ADGRA1: variants seen among roughly 807,000 people sequenced by gnomAD.
The protein encoded by ADGRA1 is G-protein coupled receptor 123.
In ADGRA1, 12 loss-of-function variants were observed where a neutral mutation model predicts 21.3. That is an observed-to-expected ratio of 0.56 (90% CI 0.36 to 0.91). The LOEUF is 0.91. Among genes scored for constraint, ADGRA1 ranks in the 40% least tolerant of loss-of-function variants. The pLI is 0.01. For missense variants in ADGRA1, 790 were observed against 805.6 expected (o/e 0.98, Z 0.23); for synonymous variants, 385 against 368.8 (o/e 1.04, Z -0.50).
At position 133,119,467 on chromosome 10, in the gene ADGRA1, A is replaced by C. The variant is rs113988256; in HGVS notation, c.402-7766A>C. 8.6e-3 allele frequency among the ~76,000 whole-genome samples: 1,317 copies of C among 152,334 alleles called. 13 individuals carry two copies. Among genetic ancestry groups the C allele is most frequent in the Non-Finnish European group, 0.014 (938 of 68,022 alleles). On this transcript the variant is annotated intron_variant, in intron 5 of 6. Transcript: ENST00000392607. Reference sequence around the variant, plus strand: ...TTTTCACAAAAGAGTTCTCTGTAGCACGTGGTGCTGTTTGGTGCACTTTAC... The same window carrying C: ...TTTTCACAAAAGAGTTCTCTGTAGCCCGTGGTGCTGTTTGGTGCACTTTAC...
chr10:133,124,663 C>A (rs1852341152), intron 5 of ADGRA1, among the ~76,000 whole-genome samples: 1 of 152,252 alleles, frequency 6.6e-6, no homozygotes, highest in Non-Finnish European at 1.5e-5. Flanking sequence ...AGGAGGAGGA[C>A]AAGCTGGACC....
At chr10:133,093,739 G>T (rs1453741493) in intron 2 of ADGRA1, among the ~76,000 whole-genome samples, 2 of 152,220 alleles carry the variant, frequency 1.3e-5, no homozygotes, top group African/African-American at 4.8e-5. Context: ...GCGAGCCGAG[G>T]GTCCAGGAAC....
chr10:133,122,488 G>T (rs1852289070), intron 5 of ADGRA1, among the ~76,000 whole-genome samples: 1 of 152,234 alleles, frequency 6.6e-6, no homozygotes, highest in African/African-American at 2.4e-5. Context: ...AGCTGCAGGT[G>T]CCCCCTCTAC....
intron 6 of ADGRA1, 135 bp from the exon 7 acceptor site, chr10:133,128,194 G>A (rs1404200679): frequency 3.2e-6 from 2 of 616,276 alleles, no homozygotes; most frequent in Non-Finnish European, 5.3e-6. Context: ...CTCTAGAAAC[G>A]CCCAAGGCCC....
chr10:133,105,201 C>G (rs1416533915), intron 5 of ADGRA1, among the ~76,000 whole-genome samples: 1 of 152,248 alleles, frequency 6.6e-6, no homozygotes, highest in Non-Finnish European at 1.5e-5. Context: ...CACACCCTCT[C>G]TGGCCGTTCC....
At chr10:133,117,049 G>A (rs1049813944) in intron 5 of ADGRA1, among the ~76,000 whole-genome samples, 2 of 152,154 alleles carry the variant, frequency 1.3e-5, no homozygotes, top group South Asian at 2.1e-4. Context: ...GGGGTCCAGG[G>A]CTCAGTCCCA....
chr10:133,088,754 A>C lies in ADGRA1; in HGVS notation c.-156A>C, dbSNP rs1215443264. Reference sequence around the variant, plus strand: ...CGCCCGCCCCGCCGCGGTCACCCTGAGGCCAGGGGCCCGGGAGCGCGACCT... The same window carrying C: ...CGCCCGCCCCGCCGCGGTCACCCTGCGGCCAGGGGCCCGGGAGCGCGACCT... On this transcript the variant is annotated 5_prime_UTR_variant, in exon 2 of 7. It removes the in-frame stop codon of an upstream open reading frame in the 5' UTR. Transcript: ENST00000392607. The C allele has an allele frequency of 3.2e-6, 4 of 1,231,146 alleles. No homozygotes were observed. Among genetic ancestry groups the C allele is most frequent in the Non-Finnish European group, 4.1e-6 (4 of 987,648 alleles). 76.3% of individuals were successfully genotyped at this position (1,231,146 alleles called of 1,614,324 possible).
intron 5 of ADGRA1, among the ~76,000 whole-genome samples, chr10:133,110,114 C>G (rs1340960574): frequency 6.6e-6 from 1 of 152,262 alleles, no homozygotes; most frequent in African/African-American, 2.4e-5. Flanking sequence ...AGACATCCAG[C>G]AGGGTCCAAG....
chr10:133,102,287 C>T (rs540247858), intron 4 of ADGRA1: 10 of 499,280 alleles, frequency 2.0e-5, no homozygotes, highest in East Asian at 5.7e-5. Flanking sequence ...AGCATCCTGG[C>T]GTGACCCCAC....
intron 6 of ADGRA1, 124 bp downstream of exon 6, chr10:133,127,455 G>C: frequency 1.4e-6 from 1 of 729,418 alleles, no homozygotes; most frequent in Non-Finnish European, 2.3e-6. Flanking sequence ...CTGGACCTGG[G>C]GCTTGCCGAG....
intron 4 of ADGRA1, 108 bp downstream of exon 4, chr10:133,098,871 A>G: frequency 1.4e-6 from 2 of 1,435,116 alleles, no homozygotes; most frequent in Admixed American, 2.0e-5. Flanking sequence ...TCCCGGGAAG[A>G]GGGTCGGACC....
Position 133,102,746 on chromosome 10 carries a change from G to A in ADGRA1, c.305G>A (p.Gly102Glu). The A allele has an allele frequency of 6.2e-7, 1 of 1,612,722 alleles. No homozygotes were observed. Among genetic ancestry groups the A allele is most frequent in the Non-Finnish European group, 8.5e-7 (1 of 1,179,822 alleles). Residue 102 changes from glycine (G) to glutamate (E), a missense_variant, in exon 5 of 7, where the codon GGA becomes GAA. Coordinates refer to ENST00000392607, the MANE Select transcript of ADGRA1 (RefSeq NM_001083909.3). ...ACACTGTCCACCATGCTGTGGATAG[G>A]AGTGACCGCCAGGAACATCTACAAG... ...YSTLSTMLWI[G>E]VTARNIYKQV...
At chr10:133,096,205 G>A (rs9419097) in intron 2 of ADGRA1, among the ~76,000 whole-genome samples, 3,384 of 152,300 alleles carry the variant, frequency 0.022, 56 homozygotes, top group African/African-American at 0.049. Flanking sequence ...ATGTTTCTGG[G>A]CTGATGCCCC....
intron 2 of ADGRA1, among the ~76,000 whole-genome samples, chr10:133,091,274 G>A (rs1338002426): frequency 1.3e-5 from 2 of 152,238 alleles, no homozygotes; most frequent in African/African-American, 2.4e-5. Context: ...AACACCTGCA[G>A]GGTTGGATGG....
intron 3 of ADGRA1, among the ~76,000 whole-genome samples, chr10:133,098,034 G>A (rs1851717818): frequency 6.6e-6 from 1 of 152,208 alleles, no homozygotes; most frequent in Admixed American, 6.5e-5. Context: ...TTAGACCAGA[G>A]TGGCTGTGAT....
chr10:133,121,870 T>A (rs1435845889), intron 5 of ADGRA1, among the ~76,000 whole-genome samples: 2 of 147,480 alleles, frequency 1.4e-5, no homozygotes, highest in African/African-American at 5.1e-5. Context: ...TGAGTGCCTG[T>A]GTGTGGTGTG....
intron 5 of ADGRA1, among the ~76,000 whole-genome samples, chr10:133,123,746 G>A (rs533791214): frequency 1.3e-4 from 19 of 146,906 alleles, no homozygotes; most frequent in African/African-American, 2.5e-4. Context: ...GGGCTGCCTC[G>A]GCCACCGTCA....
intron 5 of ADGRA1, among the ~76,000 whole-genome samples, chr10:133,103,763 G>A (rs978745136): frequency 3.3e-5 from 5 of 152,222 alleles, no homozygotes; most frequent in Admixed American, 6.5e-5. Context: ...TGACCAGGCC[G>A]GAGCTCGCCA....
chr10:133,105,376 G>A (rs1851875356), intron 5 of ADGRA1, among the ~76,000 whole-genome samples: 1 of 152,152 alleles, frequency 6.6e-6, no homozygotes, highest in African/African-American at 2.4e-5. Flanking sequence ...CTCTGCAAGT[G>A]TTTAACAAGA....
Sources: gnomAD v4.1 joint callset for allele counts (sites outside exome capture counted in the v4.1 genomes callset) on GRCh38, gnomAD v4.1.1 for gene constraint, MANE v1.5 for transcripts, NCBI Gene and HGNC (gene_info 2026-07-23, HGNC 2026-07-21) for gene names.